Variants in PIR observed in about 807,000 individuals in gnomAD.
The protein encoded by PIR is pirin (iron-binding nuclear protein).
Under a neutral mutation model 24.2 loss-of-function variants are expected in PIR, and 22 were observed. The ratio of observed to expected loss-of-function variants is 0.91; its 90% CI spans 0.65 to 1.30. The LOEUF is 1.30. Ranked by LOEUF, PIR falls within the 50% of genes most tolerant of loss-of-function variation. The pLI is 0.00. For synonymous variants in PIR, 80 were observed against 79.6 expected (o/e 1.00, Z -0.03); for missense variants, 220 against 220.3 (o/e 1.00, Z 0.01).
intron 7 of PIR, among the ~76,000 whole-genome samples, chrX:15,401,099 G>C (rs1292689838): frequency 9.2e-6 from 1 of 109,135 alleles, no homozygotes; most frequent in Admixed American, 9.8e-5. Flanking sequence ...GTTGCCAAGT[G>C]TGAAGTGCAG....
Position 15,479,705 on chromosome X carries a change from C to T in PIR, c.189+24G>A, listed in dbSNP as rs760212052. 4.8e-6 allele frequency: 4 copies of T among 826,262 alleles called. No homozygotes were observed. The South Asian group carries it at 7.8e-5, about 16-fold the overall frequency. 68.1% of individuals were successfully genotyped at this position (826,262 alleles called of 1,213,427 possible). A position where few individuals can be genotyped will look rare whatever the true frequency, so the allele number is the denominator to read the frequency against. Reference sequence around the variant, plus strand: ...GAGGTATGTTTCAAAATACACACTTCTGCAGTCAAATTATTGTACTTACTG... The same window carrying T: ...GAGGTATGTTTCAAAATACACACTTTTGCAGTCAAATTATTGTACTTACTG... On this transcript the variant is annotated intron_variant, in intron 3 of 9. Coordinates refer to ENST00000380420, the MANE Select transcript of PIR (RefSeq NM_001018109.3).
At chrX:15,490,487 T>C (rs1296658800) in intron 2 of PIR, among the ~76,000 whole-genome samples, 1 of 112,015 alleles carries the variant, frequency 8.9e-6, no homozygotes, top group African/African-American at 3.3e-5. Context: ...CTGTATTCCC[T>C]GGGCTATGAC....
intron 6 of PIR, among the ~76,000 whole-genome samples, chrX:15,415,636 T>C (rs938713271): frequency 8.9e-6 from 1 of 112,073 alleles, no homozygotes. Context: ...TAAAGTGTTC[T>C]TATCACAAAA....
chrX:15,425,619 C>T (rs1925286194), intron 6 of PIR, among the ~76,000 whole-genome samples: 2 of 110,494 alleles, frequency 1.8e-5, no homozygotes, highest in African/African-American at 6.6e-5. Context: ...ACAATGTTGG[C>T]CAGGATGGTC....
chrX:15,397,581 T>C, intron 7 of PIR, 50 bp from the exon 8 acceptor site: 1 of 851,595 alleles, frequency 1.2e-6, no homozygotes, highest in African/African-American at 2.0e-5. Context: ...GTACATTTGT[T>C]ATATGGTTAC....
chrX:15,470,157 T>C (rs192159255), intron 3 of PIR, among the ~76,000 whole-genome samples: 2 of 112,096 alleles, frequency 1.8e-5, no homozygotes, highest in East Asian at 2.8e-4. Flanking sequence ...TTGCTCTGTA[T>C]GGCCTGTGTG....
chrX:15,390,068 T>C, intron 9 of PIR, 117 bp downstream of exon 9: 1 of 345,947 alleles, frequency 2.9e-6, no homozygotes. Context: ...CTCAGATTTA[T>C]AGATGGAGAG....
chrX:15,493,115 G>T (rs957862441), intron 1 of PIR, 75 bp downstream of exon 1: 1 of 112,941 alleles, frequency 8.9e-6, no homozygotes, highest in African/African-American at 3.2e-5. Context: ...GTGAGCTGGG[G>T]AAGGCAGGAT....
Position 15,420,198 on chromosome X carries a change from A to AAAC in PIR, c.565+5705_565+5707dup, listed in dbSNP as rs1007533528. 6.3e-5 allele frequency among the ~76,000 whole-genome samples: 7 copies of AAAC among 111,918 alleles called. No individual in the cohort carries two copies. The Admixed American group carries it at 6.6e-4, about 11-fold the overall frequency. ...GGCGACAGAGCAAGACTTCATCTCA[A>AAAC]AACAACAACAACGACAACAACAACA... On this transcript the variant is annotated intron_variant, in intron 6 of 9. Transcript: ENST00000380420.
chrX:15,492,797 G>A (rs1343804493), intron 1 of PIR, among the ~76,000 whole-genome samples: 1 of 112,056 alleles, frequency 8.9e-6, no homozygotes, highest in Non-Finnish European at 1.9e-5. Context: ...ACCCTAAAAT[G>A]TATCCTCCCT....
At chrX:15,430,152 A>C (rs764101886) in intron 5 of PIR, among the ~76,000 whole-genome samples, 1 of 112,083 alleles carries the variant, frequency 8.9e-6, no homozygotes, top group Non-Finnish European at 1.9e-5. Flanking sequence ...AAAAGAAAAC[A>C]TTCCCCTATA....
At chrX:15,479,022 A>T (rs1303827663) in intron 3 of PIR, among the ~76,000 whole-genome samples, 2 of 112,242 alleles carry the variant, frequency 1.8e-5, no homozygotes, top group Admixed American at 1.9e-4. Context: ...CACAGAATAT[A>T]TGTGTGTGGA....
intron 6 of PIR, among the ~76,000 whole-genome samples, chrX:15,413,073 C>T (rs774896225): frequency 1.8e-5 from 2 of 112,268 alleles, no homozygotes; most frequent in African/African-American, 6.5e-5. Context: ...ATATAAATGT[C>T]CTTATACATC....
intron 5 of PIR, among the ~76,000 whole-genome samples, chrX:15,448,346 T>G (rs1926176189): frequency 8.9e-6 from 1 of 112,459 alleles, no homozygotes; most frequent in Non-Finnish European, 1.9e-5. Context: ...GTGCCTATTC[T>G]CAACAGTGAA....
chrX:15,399,790 T>C (rs1229606514), intron 7 of PIR, among the ~76,000 whole-genome samples: 5 of 111,553 alleles, frequency 4.5e-5, no homozygotes, highest in Admixed American at 1.9e-4. Flanking sequence ...AGCACACATA[T>C]AGCTATATCC....
intron 3 of PIR, among the ~76,000 whole-genome samples, chrX:15,470,413 T>C (rs376588027): frequency 9.0e-6 from 1 of 111,502 alleles, no homozygotes; most frequent in Non-Finnish European, 1.9e-5. Context: ...TTGTTAATAG[T>C]GTGGACAATT....
intron 2 of PIR, among the ~76,000 whole-genome samples, chrX:15,480,260 A>G (rs1227001462): frequency 9.0e-6 from 1 of 110,734 alleles, no homozygotes; most frequent in East Asian, 2.8e-4. Context: ...CCCCAGCCAC[A>G]TGGAGCTGTT....
intron 6 of PIR, among the ~76,000 whole-genome samples, chrX:15,423,208 T>C (rs759368180): frequency 9.1e-6 from 1 of 109,593 alleles, no homozygotes; most frequent in African/African-American, 3.3e-5. Flanking sequence ...CTCCAGGACA[T>C]TGGACTGGAC....
chrX:15,485,422 C>T (rs775243943), intron 2 of PIR, among the ~76,000 whole-genome samples: 18 of 111,554 alleles, frequency 1.6e-4, no homozygotes, highest in Admixed American at 6.6e-4. Flanking sequence ...TAATACCTCC[C>T]AGAGGCCTCC....
Sources: gnomAD v4.1 joint callset for allele counts (sites outside exome capture counted in the v4.1 genomes callset) on GRCh38, gnomAD v4.1.1 for gene constraint, MANE v1.5 for transcripts, NCBI Gene and HGNC (gene_info 2026-07-23, HGNC 2026-07-21) for gene names.